PLCG2: variants seen among roughly 807,000 people sequenced by gnomAD.
PLCG2 encodes the protein 1-phosphatidylinositol 4,5-bisphosphate phosphodiesterase gamma-2.
In PLCG2, 69 loss-of-function variants were observed where a neutral mutation model predicts 175.6. The observed-to-expected ratio is 0.39, with a 90% confidence interval of 0.32 to 0.48. The LOEUF is 0.48. PLCG2 is among the 20% of genes least tolerant of loss of function. The pLI is 0.91. For synonymous variants in PLCG2, 827 were observed against 624.0 expected (o/e 1.33, Z -4.85); for missense variants, 1,798 against 1,650.9 (o/e 1.09, Z -1.54).
At chr16:81,876,005 T>C (rs1390035633) in intron 7 of PLCG2, among the ~76,000 whole-genome samples, 1 of 143,094 alleles carries the variant, frequency 7.0e-6, no homozygotes, top group Admixed American at 7.2e-5. Context: ...GGTTAGCTTT[T>C]CTTTTTCTTT....
chr16:81,800,666 T>C (rs945539259), intron 2 of PLCG2, among the ~76,000 whole-genome samples: 8 of 144,784 alleles, frequency 5.5e-5, no homozygotes, highest in Non-Finnish European at 1.2e-4. Context: ...ATACTATTGC[T>C]ATTATTATTA....
chr16:81,936,853 A>G (rs1236069027), intron 27 of PLCG2, among the ~76,000 whole-genome samples: 1 of 152,180 alleles, frequency 6.6e-6, no homozygotes, highest in African/African-American at 2.4e-5. Context: ...CGAGGGATCT[A>G]TTCATCAGTA....
chr16:81,864,275 G>C (rs951153122), intron 5 of PLCG2, among the ~76,000 whole-genome samples: 1 of 152,196 alleles, frequency 6.6e-6, no homozygotes, highest in Non-Finnish European at 1.5e-5. Flanking sequence ...TAGAGAAGCA[G>C]AACTCTGGGG....
At position 81,960,709 on chromosome 16, in the gene PLCG2, G is replaced by A. The variant is rs1005721302; in HGVS notation, c.*2711G>A. 1.7e-5 allele frequency: 4 copies of A among 229,030 alleles called. No individual in the cohort carries two copies. The highest frequency in any genetic ancestry group is 1.8e-4 in the South Asian group (1 of 5,498). 14.2% of individuals were successfully genotyped at this position (229,030 alleles called of 1,614,324 possible). A position where few individuals can be genotyped will look rare whatever the true frequency, so the allele number is the denominator to read the frequency against. On this transcript the variant is annotated 3_prime_UTR_variant, in exon 33 of 33. Transcript: ENST00000564138. ...CTACTGCTCTATTAAGAAGGCAGCC[G>A]GACAACATGTTCTAATACTTCGTAT...
intron 31 of PLCG2, among the ~76,000 whole-genome samples, chr16:81,954,661 A>T (rs1911495877): frequency 6.6e-6 from 1 of 152,214 alleles, no homozygotes; most frequent in African/African-American, 2.4e-5. Context: ...CCTGCAAAGG[A>T]CATTACTTCA....
intron 5 of PLCG2, among the ~76,000 whole-genome samples, chr16:81,868,228 G>T (rs999303072): frequency 3.3e-5 from 5 of 152,118 alleles, no homozygotes; most frequent in Non-Finnish European, 5.9e-5. Context: ...GAACAATTAG[G>T]CAACTTTAAT....
chr16:81,805,389 C>T (rs1037045945), intron 2 of PLCG2, among the ~76,000 whole-genome samples: 5 of 151,270 alleles, frequency 3.3e-5, no homozygotes, highest in African/African-American at 1.2e-4. Context: ...GTCCCAGCTA[C>T]TCAGGAGGCT....
intron 2 of PLCG2, among the ~76,000 whole-genome samples, chr16:81,815,476 C>T (rs970311038): frequency 6.6e-6 from 1 of 152,220 alleles, no homozygotes; most frequent in African/African-American, 2.4e-5. Flanking sequence ...TAGAGGCTTC[C>T]TCATTTGCAT....
intron 2 of PLCG2, among the ~76,000 whole-genome samples, chr16:81,759,568 C>T (rs1044551522): frequency 6.6e-6 from 1 of 152,164 alleles, no homozygotes; most frequent in African/African-American, 2.4e-5. Flanking sequence ...CCTCTGCCAC[C>T]GTATCCTACT....
intron 26 of PLCG2, 156 bp from the exon 27 acceptor site, chr16:81,936,013 T>C (rs1458873125): frequency 3.0e-6 from 3 of 985,270 alleles, no homozygotes; most frequent in South Asian, 4.7e-5. Context: ...TCCACAGTGA[T>C]ACCAATTGGG....
chr16:81,796,928 CAG>C (rs1365642634), intron 2 of PLCG2, among the ~76,000 whole-genome samples: 1 of 152,210 alleles, frequency 6.6e-6, no homozygotes, highest in African/African-American at 2.4e-5. Context: ...TCTCATGTAA[CAG>C]GGGCCTGAGG....
chr16:81,863,569 C>T (rs1907086332), intron 5 of PLCG2, among the ~76,000 whole-genome samples: 2 of 152,160 alleles, frequency 1.3e-5, no homozygotes, highest in Non-Finnish European at 1.5e-5. Flanking sequence ...TATCCAGAAG[C>T]TGAATTGCTG....
At chr16:81,808,633 A>G (rs1042214991) in intron 2 of PLCG2, among the ~76,000 whole-genome samples, 14 of 152,184 alleles carry the variant, frequency 9.2e-5, no homozygotes, top group African/African-American at 3.1e-4. Flanking sequence ...AGCTGGGACT[A>G]CAGGTGCCCG....
chr16:81,938,705 C>G, intron 28 of PLCG2, 96 bp from the exon 29 acceptor site: 1 of 686,968 alleles, frequency 1.5e-6, no homozygotes, highest in Non-Finnish European at 2.5e-6. Context: ...TGGCATTGAA[C>G]TCATCCAGTG....
At chr16:81,800,749 T>C (rs776091805) in intron 2 of PLCG2, among the ~76,000 whole-genome samples, 4 of 152,144 alleles carry the variant, frequency 2.6e-5, no homozygotes, top group Non-Finnish European at 5.9e-5. Flanking sequence ...AAGATGCCCT[T>C]GTCTTAATCC....
At chr16:81,797,030 G>A (rs542724260) in intron 2 of PLCG2, among the ~76,000 whole-genome samples, 5 of 152,292 alleles carry the variant, frequency 3.3e-5, no homozygotes, top group Middle Eastern at 3.4e-3. Context: ...TTTAAGAGGC[G>A]TTGCTTTCTT....
At chr16:81,860,586 C>T (rs1399038532) in intron 5 of PLCG2, among the ~76,000 whole-genome samples, 1 of 152,096 alleles carries the variant, frequency 6.6e-6, no homozygotes, top group Non-Finnish European at 1.5e-5. Context: ...AGTGTTTTTG[C>T]TTAAACTTGC....
chr16:81,931,429 G>C, intron 24 of PLCG2, 68 bp from the exon 25 acceptor site: 1 of 1,492,034 alleles, frequency 6.7e-7, no homozygotes, highest in Non-Finnish European at 9.2e-7. Context: ...AGCTCAGGCA[G>C]GGTGCAGTCT....
chr16:81,848,004 T>C (rs1174092362), intron 2 of PLCG2, among the ~76,000 whole-genome samples: 1 of 152,210 alleles, frequency 6.6e-6, no homozygotes, highest in Admixed American at 6.5e-5. Flanking sequence ...ACAAAGTGAT[T>C]CCAAAGGTTA....
Sources: allele counts gnomAD v4.1 joint callset (sites outside exome capture counted in the v4.1 genomes callset), GRCh38; gene constraint gnomAD v4.1.1; transcripts MANE v1.5; gene names NCBI Gene and HGNC (gene_info 2026-07-23, HGNC 2026-07-21).